The following TMEM229B variants were observed in gnomAD, a reference collection of about 807,000 sequenced individuals.
The protein encoded by TMEM229B is chromosome 14 open reading frame 83.
In TMEM229B, 6 loss-of-function variants were observed where a neutral mutation model predicts 13.7. That is an observed-to-expected ratio of 0.44 (90% CI 0.24 to 0.86). The LOEUF (loss-of-function observed/expected upper bound fraction) is 0.86, where lower values mean the gene tolerates loss of function less well. Ranked by LOEUF, TMEM229B falls within the 40% of genes least tolerant of loss-of-function variation. The probability of loss-of-function intolerance (pLI) is 0.23; values close to 1 mark genes in which losing one functional copy is unlikely to be tolerated. For synonymous variants in TMEM229B, 107 were observed against 102.1 expected, an observed-to-expected ratio of 1.05 and a Z score of -0.29; for missense variants, 170 against 236.0, an observed-to-expected ratio of 0.72 and a Z score of 1.83.
At chr14:67,531,509 T>G (rs560370417) in intron 1 of TMEM229B, among the ~76,000 whole-genome samples, 4 of 151,878 alleles carry the variant, frequency 2.6e-5, no homozygotes, top group African/African-American at 4.8e-5. Flanking sequence ...CTGAAAAAAA[T>G]GTGGAGTCTC....
intron 1 of TMEM229B, among the ~76,000 whole-genome samples, chr14:67,494,073 T>G (rs978541803): frequency 6.6e-6 from 1 of 152,000 alleles, no homozygotes; most frequent in African/African-American, 2.4e-5. Context: ...ACCTCCACCA[T>G]AAGCCTTAAG....
chr14:67,504,969 T>G (rs1346524591), intron 1 of TMEM229B, among the ~76,000 whole-genome samples: 1 of 152,218 alleles, frequency 6.6e-6, no homozygotes, highest in Admixed American at 6.5e-5. Flanking sequence ...GTTGCTTTTA[T>G]GATTTCCCAA....
upstream of TMEM229B, among the ~76,000 whole-genome samples, chr14:67,493,392 G>A (rs558419683): frequency 7.2e-5 from 11 of 152,228 alleles, no homozygotes; most frequent in South Asian, 2.1e-4. Flanking sequence ...TAGATTGTGC[G>A]GTCCAACCCC....
rs542949484 is a variant in TMEM229B at position 67,471,240 on chromosome 14, A to T, written c.*2180T>A. The T allele has an allele frequency of 3.8e-4, 58 of 152,376 alleles. No individual in the cohort carries two copies. The highest frequency in any genetic ancestry group is 1.3e-3 in the African/African-American group (56 of 41,568). 9.4% of individuals were successfully genotyped at this position (152,376 alleles called of 1,614,324 possible). A position where few individuals can be genotyped will look rare whatever the true frequency, so the allele number is the denominator to read the frequency against. ...ACAAGGCAACTTCTGGAGCAGCAAG[A>T]CCTGGTGGGCCAATCAAGGATTTGC... On this transcript the variant is annotated 3_prime_UTR_variant, in exon 3 of 3. Coordinates refer to ENST00000554480, the MANE Select transcript of TMEM229B (RefSeq NM_001348543.2).
intron 1 of TMEM229B, among the ~76,000 whole-genome samples, chr14:67,496,799 T>TTGCC (rs1034038900): frequency 2.0e-5 from 3 of 149,256 alleles, no homozygotes; most frequent in Admixed American, 2.0e-4. Context: ...TCTTTCTTTC[T>TTGCC]TGCTTGCTTG....
intron 1 of TMEM229B, among the ~76,000 whole-genome samples, chr14:67,499,858 T>G (rs2032534033): frequency 6.6e-6 from 1 of 151,596 alleles, no homozygotes; most frequent in African/African-American, 2.4e-5. Flanking sequence ...AAAAAAAAGT[T>G]ATGCCCTTCA....
At chr14:67,505,656 T>C (rs2032797463) in intron 1 of TMEM229B, among the ~76,000 whole-genome samples, 1 of 151,588 alleles carries the variant, frequency 6.6e-6, no homozygotes, top group Non-Finnish European at 1.5e-5. Context: ...GGTGAACCAC[T>C]GGATTTCAGG....
At chr14:67,509,038 A>ATGAC (rs1566699070) in intron 1 of TMEM229B, among the ~76,000 whole-genome samples, 1 of 152,158 alleles carries the variant, frequency 6.6e-6, no homozygotes, top group Admixed American at 6.5e-5. Context: ...ATAAGCTTCT[A>ATGAC]TGACTAGTGG....
chr14:67,497,514 G>A (rs139676075), intron 1 of TMEM229B, among the ~76,000 whole-genome samples: 185 of 152,190 alleles, frequency 1.2e-3, no homozygotes, highest in Non-Finnish European at 2.1e-3. Flanking sequence ...CAATTCCCAC[G>A]TGACCAACAA....
chr14:67,493,463 C>G (rs1443536942), upstream of TMEM229B, among the ~76,000 whole-genome samples: 1 of 152,244 alleles, frequency 6.6e-6, no homozygotes, highest in East Asian at 1.9e-4. Flanking sequence ...CCCTGCTCTC[C>G]TTTGTTCAGT....
chr14:67,507,874 C>T (rs1258387907), intron 1 of TMEM229B, among the ~76,000 whole-genome samples: 1 of 152,162 alleles, frequency 6.6e-6, no homozygotes, highest in African/African-American at 2.4e-5. Flanking sequence ...CATGTTGGCT[C>T]ACGCCTGTAG....
At chr14:67,486,826 C>T (rs901307509) in intron 2 of TMEM229B, among the ~76,000 whole-genome samples, 174 bp downstream of exon 2, 47 of 152,214 alleles carry the variant, frequency 3.1e-4, no homozygotes, top group African/African-American at 6.3e-4. Context: ...AGACGGCTCC[C>T]GCATGTGATG....
At chr14:67,498,252 A>T (rs1315055688) in intron 1 of TMEM229B, among the ~76,000 whole-genome samples, 1 of 152,158 alleles carries the variant, frequency 6.6e-6, no homozygotes, top group Non-Finnish European at 1.5e-5. Context: ...CTGGTTTGCC[A>T]AGACGTTCTA....
chr14:67,521,933 T>G (rs1204639104), intron 1 of TMEM229B, among the ~76,000 whole-genome samples: 1 of 152,152 alleles, frequency 6.6e-6, no homozygotes. Context: ...TCCCAGCATT[T>G]TGGGAGGCTG....
upstream of TMEM229B, among the ~76,000 whole-genome samples, chr14:67,518,998 T>G (rs185985904): frequency 6.6e-6 from 1 of 152,300 alleles, no homozygotes; most frequent in African/African-American, 2.4e-5. Context: ...AAGCCAATCT[T>G]GAATCTGGAA....
rs1290027272 is a variant in TMEM229B, at chr14:67,473,482, C to T, written c.442G>A (p.Ala148Thr). The change falls in exon 3 of 3, where the codon GCT becomes ACT. Residue 148 changes from alanine (A) to threonine (T), a missense_variant. Physicochemically the swap from Ala to Thr is moderately conservative, Grantham distance 58. Transcript: ENST00000554480. The surrounding 1 kb of genome is among the most constrained non-coding windows in gnomAD (Gnocchi z 6.5). ...NTLRLRFDKD[A>T]EPGEPSGALA... ...GCGCCGCTGGGCTCCCCGGGCTCAGCGTCCTTGTCGAAGCGGAGGCGGAGG... is the reference window on the plus strand; with the variant it reads ...GCGCCGCTGGGCTCCCCGGGCTCAGTGTCCTTGTCGAAGCGGAGGCGGAGG... 6.2e-7 allele frequency: 1 copy of T among 1,614,188 alleles called. No individual in the cohort carries two copies. Among genetic ancestry groups the T allele is most frequent in the South Asian group, 1.1e-5 (1 of 91,088 alleles).
intron 1 of TMEM229B, among the ~76,000 whole-genome samples, chr14:67,521,725 GT>G (rs1024625102): frequency 2.6e-5 from 4 of 152,184 alleles, no homozygotes; most frequent in African/African-American, 7.2e-5. Context: ...ATTAGCACAG[GT>G]TGATAAGAAG....
intron 1 of TMEM229B, among the ~76,000 whole-genome samples, chr14:67,521,665 T>C (rs887896366): frequency 2.0e-5 from 3 of 152,168 alleles, no homozygotes; most frequent in African/African-American, 4.8e-5. Flanking sequence ...TGTGAATTCA[T>C]CCATAAAGCA....
intron 1 of TMEM229B, among the ~76,000 whole-genome samples, chr14:67,511,400 G>A (rs1047278621): frequency 3.3e-5 from 5 of 152,242 alleles, no homozygotes; most frequent in East Asian, 1.9e-4. Context: ...TGGAGCAGCC[G>A]GAAGGAGCAA....
Sources: gnomAD v4.1 joint callset for allele counts (sites outside exome capture counted in the v4.1 genomes callset) on GRCh38, gnomAD v4.1.1 for gene constraint, Gnocchi (gnomAD v3.1) non-coding constraint, MANE v1.5 for transcripts, NCBI Gene and HGNC (gene_info 2026-07-23, HGNC 2026-07-21) for gene names.